The following GNAL variants were observed in gnomAD, a reference collection of about 807,000 sequenced individuals.
GNAL encodes guanine nucleotide-binding protein G(olf) subunit alpha.
GNAL carries 18 observed loss-of-function variants against 55.1 expected under a neutral mutation model. The ratio of observed to expected loss-of-function variants is 0.33; its 90% confidence interval spans 0.23 to 0.48. The LOEUF (loss-of-function observed/expected upper bound fraction) is 0.48. Among genes scored for constraint, GNAL ranks in the 20% least tolerant of loss-of-function variants. The probability of loss-of-function intolerance (pLI) is 0.99; values close to 1 mark genes in which losing one functional copy is unlikely to be tolerated. For synonymous variants in GNAL, 253 were observed against 237.0 expected (o/e 1.07, Z -0.62); for missense variants, 412 against 614.1 (o/e 0.67, Z 3.48).
At chr18:11,742,009 G>A (rs1598422957) in intron 1 of GNAL, among the ~76,000 whole-genome samples, 1 of 152,246 alleles carries the variant, frequency 6.6e-6, no homozygotes, top group African/African-American at 2.4e-5. Context: ...CTCTGTACCC[G>A]TTAAACACTA....
intron 5 of GNAL, 60 bp downstream of exon 5, chr18:11,825,075 T>G: frequency 8.3e-6 from 7 of 848,304 alleles, no homozygotes; most frequent in Non-Finnish European, 1.4e-5. Context: ...CATGCATGAT[T>G]ATGCTGCCTT....
intron 1 of GNAL, among the ~76,000 whole-genome samples, chr18:11,728,805 C>T (rs1005253670): frequency 2.6e-5 from 4 of 152,060 alleles, no homozygotes; most frequent in South Asian, 2.1e-4. Flanking sequence ...CTGTCTTAGA[C>T]GATGAGTTTT....
At chr18:11,774,113 T>C (rs1290261063) in intron 4 of GNAL, among the ~76,000 whole-genome samples, 1 of 152,214 alleles carries the variant, frequency 6.6e-6, no homozygotes, top group East Asian at 1.9e-4. Context: ...TGAGATGTCA[T>C]CCTGGTCACC....
chr18:11,874,808 C>A (rs1487963095), intron 10 of GNAL, among the ~76,000 whole-genome samples: 1 of 150,698 alleles, frequency 6.6e-6, no homozygotes, highest in African/African-American at 2.4e-5. Context: ...CTGCACCCTT[C>A]CCTCCCTCAC....
chr18:11,842,271 G>A (rs545691490), intron 5 of GNAL, among the ~76,000 whole-genome samples: 2 of 152,070 alleles, frequency 1.3e-5, no homozygotes, highest in Non-Finnish European at 2.9e-5. Context: ...ATGAGCCACC[G>A]CGCTCGGCCT....
At chr18:11,775,468 A>G (rs543452992) in intron 4 of GNAL, among the ~76,000 whole-genome samples, 1 of 152,368 alleles carries the variant, frequency 6.6e-6, no homozygotes, top group African/African-American at 2.4e-5. Context: ...CTGACGGGGT[A>G]GATACGTGGC....
intron 4 of GNAL, among the ~76,000 whole-genome samples, chr18:11,762,442 C>T (rs571276376): frequency 6.6e-6 from 1 of 152,318 alleles, no homozygotes; most frequent in Non-Finnish European, 1.5e-5. Context: ...CTACCTCTGG[C>T]AGGGATACAG....
rs185950149 is a variant in GNAL, at chr18:11,837,590, G to A, written c.722+12575G>A. 2.1e-3 allele frequency among the ~76,000 whole-genome samples: 318 copies of A among 152,274 alleles called. 2 individuals carry two copies. Among genetic ancestry groups the A allele is most frequent in the African/African-American group, 7.4e-3 (308 of 41,548 alleles). ...CATTCCACTTCATAACCCTAGGGTGGCTGTGCCTAAAAAGTCAGATAAAAC... is the reference window on the plus strand; with the variant it reads ...CATTCCACTTCATAACCCTAGGGTGACTGTGCCTAAAAAGTCAGATAAAAC... On this transcript the variant is annotated intron_variant, in intron 5 of 11. Transcript: ENST00000334049.
intron 5 of GNAL, among the ~76,000 whole-genome samples, chr18:11,832,388 C>G (rs75337950): frequency 0.042 from 6,451 of 152,264 alleles, 168 homozygotes; most frequent in African/African-American, 0.071. Flanking sequence ...GCTGCAGTCC[C>G]AGATCTGTTT....
rs201067878 is a variant in GNAL, at chr18:11,822,823, T to C, written c.625-2095T>C. ...TATTGTTTTTCTTTTTTTTTTTCTTTTTTTTTTTTTTTTTTTGACCAAATT... is the reference window on the plus strand; with the variant it reads ...TATTGTTTTTCTTTTTTTTTTTCTTCTTTTTTTTTTTTTTTTGACCAAATT... On this transcript the variant is annotated intron_variant, in intron 4 of 11. Coordinates refer to ENST00000334049, the MANE Select transcript of GNAL (RefSeq NM_182978.4). 3.0e-4 allele frequency among the ~76,000 whole-genome samples: 4 copies of C among 13,432 alleles called. No homozygotes were observed. The South Asian group carries it at 6.9e-3, about 23-fold the overall frequency. The allele number at this position is 13,432 out of a possible 152,430, so 8.8% of individuals were successfully genotyped here.
chr18:11,857,930 G>C, intron 5 of GNAL: 1 of 171,104 alleles, frequency 5.8e-6, no homozygotes, highest in South Asian at 1.9e-4. Flanking sequence ...ATTGGGAAAA[G>C]TTTTTTACTT....
At chr18:11,692,907 A>G (rs930392574) in intron 1 of GNAL, among the ~76,000 whole-genome samples, 16 of 152,150 alleles carry the variant, frequency 1.1e-4, no homozygotes, top group African/African-American at 3.9e-4. Flanking sequence ...TCAGCATCCT[A>G]AAGTGCTGGG....
intron 11 of GNAL, among the ~76,000 whole-genome samples, chr18:11,879,167 T>G (rs190128749): frequency 2.6e-5 from 4 of 151,700 alleles, no homozygotes; most frequent in Non-Finnish European, 4.4e-5. Context: ...CCATAAGTTT[T>G]TTTTTTAATG....
chr18:11,762,674 C>T (rs2033283189), intron 4 of GNAL, among the ~76,000 whole-genome samples: 1 of 152,232 alleles, frequency 6.6e-6, no homozygotes, highest in Non-Finnish European at 1.5e-5. Context: ...GTCCTGCGAG[C>T]CTGGCCAAGG....
intron 4 of GNAL, among the ~76,000 whole-genome samples, chr18:11,803,392 A>G (rs2034569659): frequency 6.6e-6 from 1 of 152,256 alleles, no homozygotes; most frequent in South Asian, 2.1e-4. Context: ...AGCATGTGTC[A>G]GAACTGCCTT....
chr18:11,730,857 A>C (rs2032324156), intron 1 of GNAL, among the ~76,000 whole-genome samples: 1 of 152,336 alleles, frequency 6.6e-6, no homozygotes, highest in South Asian at 2.1e-4. Flanking sequence ...GTGATACTAT[A>C]CCAGAGTCAA....
intron 9 of GNAL, among the ~76,000 whole-genome samples, chr18:11,872,035 G>A (rs764858560): frequency 6.6e-6 from 1 of 152,182 alleles, no homozygotes; most frequent in Non-Finnish European, 1.5e-5. Context: ...AAAAGTTTTG[G>A]ATTTTGAAGC....
chr18:11,772,984 G>A (rs113922422), intron 4 of GNAL, among the ~76,000 whole-genome samples: 26 of 152,184 alleles, frequency 1.7e-4, no homozygotes, highest in African/African-American at 6.3e-4. Context: ...CCGTCACAGT[G>A]GGCCCAGCCC....
chr18:11,800,683 G>C (rs1354325045), intron 4 of GNAL, among the ~76,000 whole-genome samples: 3 of 152,202 alleles, frequency 2.0e-5, no homozygotes, highest in Non-Finnish European at 4.4e-5. Flanking sequence ...AAATCAGGAA[G>C]GGGCCAGGCG....
Sources: allele counts gnomAD v4.1 joint callset (sites outside exome capture counted in the v4.1 genomes callset), GRCh38; gene constraint gnomAD v4.1.1; transcripts MANE v1.5; gene names NCBI Gene and HGNC (gene_info 2026-07-23, HGNC 2026-07-21).